ITIH6: variants seen among roughly 807,000 people sequenced by gnomAD.
The protein encoded by ITIH6 is inter-alpha-trypsin inhibitor heavy chain H6.
ITIH6 carries 60 observed loss-of-function variants against 58.2 expected under a neutral mutation model. That is an observed-to-expected ratio of 1.03 (90% CI 0.84 to 1.28). ITIH6 has a LOEUF of 1.28. Among genes scored for constraint, ITIH6 ranks in the 50% most tolerant of loss-of-function variants. ITIH6 has a pLI of 0.00. For synonymous variants in ITIH6, 493 were observed against 417.4 expected, an observed-to-expected ratio of 1.18 and a Z score of -2.21; for missense variants, 1,290 against 1,021.1, an observed-to-expected ratio of 1.26 and a Z score of -3.59.
intron 6 of ITIH6, among the ~76,000 whole-genome samples, chrX:54,760,514 T>A (rs758370674): frequency 6.3e-5 from 7 of 111,572 alleles, no homozygotes; most frequent in African/African-American, 2.0e-4. Flanking sequence ...TATGTATACA[T>A]GTGCCATGTT....
chrX:54,761,630 G>A (rs1277671922), intron 6 of ITIH6, among the ~76,000 whole-genome samples: 1 of 111,025 alleles, frequency 9.0e-6, no homozygotes, highest in Non-Finnish European at 1.9e-5. Flanking sequence ...TGTAAGGAAG[G>A]GATCCAGTTT....
intron 2 of ITIH6, among the ~76,000 whole-genome samples, chrX:54,793,402 C>A (rs781188585): frequency 3.1e-4 from 35 of 111,167 alleles, no homozygotes; most frequent in African/African-American, 1.1e-3. Context: ...AACTGAGCTC[C>A]TGACAACTCT....
chrX:54,758,592 G>T lies in ITIH6; in HGVS notation c.1482C>A (p.Phe494Leu). The change falls in exon 8 of 13, where the codon TTC (phenylalanine) becomes TTA (leucine). Residue 494 changes from phenylalanine (F) to leucine (L), a missense_variant. Phe to Leu is a conservative substitution (Grantham distance 22, BLOSUM62 0). Coordinates refer to ENST00000218436, the MANE Select transcript of ITIH6 (RefSeq NM_198510.3). ...GLVGASPWAV[F>L]PNYFGGSELV... ...GCTCAGAGCCACCAAAGTAGTTGGG[G>T]AAAACGGCCCAAGGGGAGGCCCCAA... 8.3e-7 allele frequency: 1 copy of T among 1,211,090 alleles called. No homozygotes were observed. The highest frequency in any genetic ancestry group is 1.1e-6 in the Non-Finnish European group (1 of 895,219).
At chrX:54,774,060 G>T (rs1182867255) in intron 6 of ITIH6, 21 bp downstream of exon 6, 3 of 1,004,761 alleles carry the variant, frequency 3.0e-6, no homozygotes, top group East Asian at 6.3e-5. Flanking sequence ...GACTAAGAAA[G>T]GTTTCCAGGA....
At chrX:54,770,221 C>T (rs891509802) in intron 6 of ITIH6, among the ~76,000 whole-genome samples, 66 of 112,961 alleles carry the variant, frequency 5.8e-4, no homozygotes, top group Non-Finnish European at 3.0e-4. Flanking sequence ...GAGGCAATGC[C>T]TCGCCCTGCT....
chrX:54,790,697 C>T, intron 4 of ITIH6, 140 bp downstream of exon 4: 2 of 779,100 alleles, frequency 2.6e-6, no homozygotes, highest in Non-Finnish European at 3.7e-6. Flanking sequence ...TCAAACATGC[C>T]CTCTTCTCAC....
At chrX:54,796,037 AT>A (rs1051609324) in intron 2 of ITIH6, among the ~76,000 whole-genome samples, 3 of 109,875 alleles carry the variant, frequency 2.7e-5, no homozygotes, top group Non-Finnish European at 5.7e-5. Flanking sequence ...GCTAATTTTT[AT>A]TTTTTTTCTA....
At chrX:54,752,471 T>C (rs2147598717) in intron 11 of ITIH6, among the ~76,000 whole-genome samples, 1 of 112,136 alleles carries the variant, frequency 8.9e-6, no homozygotes, top group East Asian at 2.8e-4. Flanking sequence ...GATGAGACAA[T>C]GTTGAAGATG....
Position 54,798,251 on chromosome X carries a change from G to T in ITIH6, c.-41C>A. ...CTGGATCTGTTGTTCACATCCAGAA[G>T]ATCTGAGCCCGATCTCCAAACCCTT... On this transcript the variant is annotated 5_prime_UTR_variant, in exon 1 of 13. Transcript: ENST00000218436. The T allele has an allele frequency of 1.1e-6, 1 of 936,969 alleles. No homozygotes were observed. Among genetic ancestry groups the T allele is most frequent in the Non-Finnish European group, 1.5e-6 (1 of 667,166 alleles). The allele number at this position is 936,969 out of a possible 1,213,427, so 77.2% of individuals were successfully genotyped here.
In ITIH6 at chrX:54,757,741, C is replaced by A. The variant is rs2147601799; in HGVS notation, c.2333G>T (p.Cys778Phe). 1 of 1,211,674 alleles carries A rather than the reference C, an allele frequency of 8.3e-7. No individual in the cohort carries two copies. The highest frequency in any genetic ancestry group is 1.1e-6 in the Non-Finnish European group (1 of 895,518). The change falls in exon 8 of 13, where the codon TGT becomes TTT. Residue 778 changes from cysteine (C) to phenylalanine (F), a missense_variant. By Grantham distance (205) the Cys-to-Phe change is radical. Transcript: ENST00000218436. ...PASPKADTVK[C>F]VTPLHSKPGA... ...AGGTTTGGAATGCAGTGGAGTAACACATTTCACAGTGTCAGCTTTGGGCGA... is the reference window on the plus strand; with the variant it reads ...AGGTTTGGAATGCAGTGGAGTAACAAATTTCACAGTGTCAGCTTTGGGCGA...
intron 11 of ITIH6, among the ~76,000 whole-genome samples, chrX:54,751,707 G>C (rs188597611): frequency 8.9e-6 from 1 of 111,977 alleles, no homozygotes; most frequent in Non-Finnish European, 1.9e-5. Context: ...GGAGAAGGTG[G>C]TATGTTAGAG....
At chrX:54,774,264 C>G in intron 5 of ITIH6, 67 bp from the exon 6 acceptor site, 2 of 558,907 alleles carry the variant, frequency 3.6e-6, no homozygotes, top group Non-Finnish European at 5.6e-6. Flanking sequence ...TAAATCAGGT[C>G]CCCTCTTATT....
intron 12 of ITIH6, 89 bp from the exon 13 acceptor site, chrX:54,750,195 G>A: frequency 1.4e-6 from 1 of 711,073 alleles, no homozygotes; most frequent in Non-Finnish European, 2.1e-6. Flanking sequence ...AAATCCAGAG[G>A]GATTTAAAGG....
chrX:54,773,494 G>T (rs55701927), intron 6 of ITIH6, among the ~76,000 whole-genome samples: 1 of 111,232 alleles, frequency 9.0e-6, no homozygotes, highest in Non-Finnish European at 1.9e-5. Context: ...AAAAGCTCCA[G>T]GGTATTATGG....
At chrX:54,754,879 T>G in intron 9 of ITIH6, 138 bp downstream of exon 9, 1 of 473,749 alleles carries the variant, frequency 2.1e-6, no homozygotes, top group Middle Eastern at 4.8e-4. Context: ...TTTAAGCTAC[T>G]AAATTTGTGA....
chrX:54,791,234 G>T (rs1035693799), intron 3 of ITIH6, 150 bp from the exon 4 acceptor site: 1 of 492,553 alleles, frequency 2.0e-6, no homozygotes, highest in Admixed American at 3.9e-5. Context: ...CTCATGGTCC[G>T]TCATCCATGC....
Position 54,780,694 on chromosome X carries a change from C to T in ITIH6, c.787-6497G>A, listed in dbSNP as rs374858985. ...AGCACAAATAAAGAAATTGAAGTGA[C>T]GAAAACAATAAAAAGATCAAGGAAA... On this transcript the variant is annotated intron_variant, in intron 5 of 12. Transcript: ENST00000218436. Among the ~76,000 whole-genome samples the T allele has an allele frequency of 1.7e-4, 18 of 108,760 alleles. No individual in the cohort carries two copies. The South Asian group carries it at 2.7e-3, about 17-fold the overall frequency. 94.4% of individuals were successfully genotyped at this position (108,760 alleles called of 115,157 possible). A position where few individuals can be genotyped will look rare whatever the true frequency, so the allele number is the denominator to read the frequency against.
chrX:54,775,880 A>G (rs1218572202), intron 5 of ITIH6, among the ~76,000 whole-genome samples: 1 of 111,886 alleles, frequency 8.9e-6, no homozygotes, highest in Non-Finnish European at 1.9e-5. Flanking sequence ...AAGATGGTGG[A>G]ATAAAAGCTC....
intron 6 of ITIH6, among the ~76,000 whole-genome samples, chrX:54,764,594 A>AT (rs1248597456): frequency 1.9e-5 from 2 of 103,339 alleles, no homozygotes; most frequent in Non-Finnish European, 4.0e-5. Context: ...TGAACTCATC[A>AT]TTTTTTATGG....
Sources: allele counts gnomAD v4.1 joint callset (sites outside exome capture counted in the v4.1 genomes callset), GRCh38; gene constraint gnomAD v4.1.1; transcripts MANE v1.5; gene names NCBI Gene and HGNC (gene_info 2026-07-23, HGNC 2026-07-21).